Variants in REST observed in about 807,000 individuals in gnomAD.
REST encodes the protein RE1 silencing transcription factor, also known as RE1-silencing transcription factor.
Under a neutral mutation model 30.4 loss-of-function variants are expected in REST, and 1 was observed. That is an observed-to-expected ratio of 0.03 (90% CI 0.01 to 0.16). REST has a LOEUF of 0.16. Ranked by LOEUF, REST falls within the 10% of genes least tolerant of loss-of-function variation. The pLI is 1.00. For missense variants in REST, 1,259 were observed against 1,329.5 expected (o/e 0.95, Z 0.82); for synonymous variants, 504 against 451.1 (o/e 1.12, Z -1.49).
intron 1 of REST, among the ~76,000 whole-genome samples, chr4:56,910,008 T>G (rs552019789): frequency 2.6e-5 from 4 of 152,364 alleles, no homozygotes; most frequent in African/African-American, 9.6e-5. Context: ...CCATAAATGT[T>G]TTTTCTTTTA....
intron 2 of REST, among the ~76,000 whole-genome samples, chr4:56,915,450 A>G (rs559100854): frequency 6.6e-6 from 1 of 151,580 alleles, no homozygotes; most frequent in Non-Finnish European, 1.5e-5. Flanking sequence ...GCGTTTCACC[A>G]TGTTGGCCAG....
At chr4:56,925,394 T>G (rs1479350442) in intron 3 of REST, among the ~76,000 whole-genome samples, 2 of 152,258 alleles carry the variant, frequency 1.3e-5, no homozygotes, top group East Asian at 3.9e-4. Flanking sequence ...AAAATTTTTT[T>G]GTACACAGGG....
intron 1 of REST, among the ~76,000 whole-genome samples, chr4:56,910,242 T>G (rs766501850): frequency 1.3e-5 from 2 of 152,224 alleles, no homozygotes; most frequent in Non-Finnish European, 2.9e-5. Flanking sequence ...GGGGAAAAGT[T>G]GGGAGGACAA....
In REST at chr4:56,931,708, C is replaced by T; in HGVS notation, c.2850C>T (p.Asp950=). 3 of 1,614,176 alleles carry T rather than the reference C, an allele frequency of 1.9e-6. No homozygotes were observed. The highest frequency in any genetic ancestry group is 2.5e-6 in the Non-Finnish European group (3 of 1,180,040). The change falls in exon 4 of 4, where the codon GAC becomes GAT. Residue 950 remains aspartate, a synonymous_variant. Transcript: ENST00000309042. The stretch of plus-strand genomic sequence containing the variant: ...GTATAGTTTGTGAAATGAAAATGGA[C>T]ACTGATCAGAACACAAGAGAGAATC... The part of the protein sequence containing the change: ...TDSIVCEMKM[D]TDQNTRENLT...
At chr4:56,925,184 AT>A (rs1191191284) in intron 3 of REST, among the ~76,000 whole-genome samples, 2 of 149,518 alleles carry the variant, frequency 1.3e-5, no homozygotes, top group African/African-American at 2.5e-5. Context: ...AAAAAAAAAA[AT>A]TTCTTTGCCA....
intron 2 of REST, among the ~76,000 whole-genome samples, chr4:56,915,406 C>T (rs573787750): frequency 1.3e-5 from 2 of 151,498 alleles, no homozygotes; most frequent in Admixed American, 6.6e-5. Flanking sequence ...CCACCACGCC[C>T]AGCTAATTTT....
At chr4:56,911,597 T>TAACC in intron 2 of REST, 61 bp downstream of exon 2, 1 of 1,334,466 alleles carries the variant, frequency 7.5e-7, no homozygotes, top group Non-Finnish European at 1.0e-6. Flanking sequence ...CTTGAGTGGT[T>TAACC]AGTTAAGTAG....
rs541994823 is a variant in REST at position 56,930,564 on chromosome 4, A to T, written c.1706A>T (p.Lys569Ile). The change falls in exon 4 of 4, where the codon AAA (lysine) becomes ATA (isoleucine). Residue 569 changes from lysine (K) to isoleucine (I), a missense_variant. Physicochemically the swap from Lys to Ile is moderately radical, Grantham distance 102. Transcript: ENST00000309042. Reference protein sequence around the residue: ...PKGDSKVEENKKQNTCMKKST... With the variant: ...PKGDSKVEENIKQNTCMKKST... ...GGTGACAGCAAAGTGGAGGAGAATA[A>T]AAAGCAAAATACTTGCATGAAAAAA... The T allele has an allele frequency of 1.6e-4, 256 of 1,612,086 alleles. 4 individuals are homozygous for T. In the South Asian group the frequency reaches 2.6e-3, roughly 16 times the overall value.
Position 56,930,922 on chromosome 4 carries a change from T to C in REST, c.2064T>C (p.Pro688=), listed in dbSNP as rs922596945. Reference sequence around the variant, plus strand: ...TTGTACTTGCTCACATGGAGCTGCCTCCTCCCATGGAGACTGCTCAGACGG... The same window carrying C: ...TTGTACTTGCTCACATGGAGCTGCCCCCTCCCATGGAGACTGCTCAGACGG... ...AQIVLAHMEL[P]PPMETAQTEV... The change falls in exon 4 of 4, where the codon CCT becomes CCC. Residue 688 remains proline (P), a synonymous_variant. Transcript: ENST00000309042. The C allele has an allele frequency of 6.2e-7, 1 of 1,613,702 alleles. No homozygotes were observed. The highest frequency in any genetic ancestry group is 8.5e-7 in the Non-Finnish European group (1 of 1,179,702).
intron 3 of REST, among the ~76,000 whole-genome samples, chr4:56,925,329 C>T (rs1255096280): frequency 6.6e-6 from 1 of 152,122 alleles, no homozygotes; most frequent in Non-Finnish European, 1.5e-5. Flanking sequence ...CCTCCCACCT[C>T]AGCCTCTGGA....
At chr4:56,924,628 T>TTC (rs1553903497) in intron 3 of REST, among the ~76,000 whole-genome samples, 3 of 151,848 alleles carry the variant, frequency 2.0e-5, no homozygotes, top group African/African-American at 7.3e-5. Flanking sequence ...TGTTTTTTTT[T>TTC]TTTCTTTCTT....
chr4:56,916,672 G>A (rs1183767373), intron 2 of REST, among the ~76,000 whole-genome samples: 2 of 152,134 alleles, frequency 1.3e-5, no homozygotes, highest in Non-Finnish European at 2.9e-5. Flanking sequence ...GAATTTAAAA[G>A]TAAATTATCT....
In REST at chr4:56,931,290, C is replaced by G. The variant is rs1211990605; in HGVS notation, c.2432C>G (p.Ser811Cys). Residue 811 changes from serine to cysteine, a missense_variant, in exon 4 of 4, where the codon TCC becomes TGC. Physicochemically the swap from Ser to Cys is moderately radical, Grantham distance 112 (BLOSUM62 -1). This residue lies in a region of REST where 856 missense variants were observed against 772.8 expected (regional missense o/e 1.11). Coordinates refer to ENST00000309042, the MANE Select transcript of REST (RefSeq NM_005612.5). The part of the protein sequence containing the change: ...REPPLHMEPI[S>C]KKPPLRKDKK... Reference sequence around the variant, plus strand: ...CCTCCCCTTCACATGGAGCCAATTTCCAAAAAGCCTCCTCTCCGAAAAGAT... The same window carrying G: ...CCTCCCCTTCACATGGAGCCAATTTGCAAAAAGCCTCCTCTCCGAAAAGAT... 3 of 1,614,092 alleles carry G rather than the reference C, an allele frequency of 1.9e-6. No homozygotes were observed. Among genetic ancestry groups the G allele is most frequent in the African/African-American group, 2.7e-5 (2 of 74,928 alleles).
At chr4:56,922,372 G>A (rs1216513191) in intron 3 of REST, 1 of 148,718 alleles carries the variant, frequency 6.7e-6, no homozygotes, top group Non-Finnish European at 1.5e-5. Flanking sequence ...GGAATAAAAT[G>A]GTGTGATCGC....
intron 2 of REST, among the ~76,000 whole-genome samples, chr4:56,918,581 C>T (rs1007149895): frequency 3.9e-5 from 6 of 152,116 alleles, no homozygotes; most frequent in Non-Finnish European, 2.9e-5. Flanking sequence ...TTTTTAGAGA[C>T]AGGCTCTCTC....
chr4:56,924,368 C>G (rs1389597891), intron 3 of REST, among the ~76,000 whole-genome samples: 1 of 152,168 alleles, frequency 6.6e-6, no homozygotes, highest in Non-Finnish European at 1.5e-5. Context: ...GATTATCACT[C>G]AAGAACAAGA....
At chr4:56,926,646 G>A (rs1478556724) in intron 3 of REST, among the ~76,000 whole-genome samples, 1 of 151,948 alleles carries the variant, frequency 6.6e-6, no homozygotes, top group Non-Finnish European at 1.5e-5. Context: ...GCCCTGCTGA[G>A]TCTTCCCTTT....
chr4:56,927,077 CAA>C (rs1229324005), intron 3 of REST, among the ~76,000 whole-genome samples: 1 of 148,006 alleles, frequency 6.8e-6, no homozygotes, highest in Non-Finnish European at 1.5e-5. Flanking sequence ...GACTGGGCAA[CAA>C]GAGTGAAACT....
chr4:56,930,686 C>A lies in REST; in HGVS notation c.1828C>A (p.Pro610Thr). Residue 610 changes from proline (P) to threonine (T), a missense_variant, in exon 4 of 4, where the codon CCT becomes ACT. This residue lies in a region of REST where 856 missense variants were observed against 772.8 expected (regional missense o/e 1.11). Coordinates refer to ENST00000309042, the MANE Select transcript of REST (RefSeq NM_005612.5). ...PVEKGSAQMD[P>T]PQMGPAPTEA... is the part of the protein sequence containing the mutation. Reference sequence around the variant, plus strand: ...TGAGAAGGGATCTGCTCAGATGGACCCTCCTCAGATGGGGCCTGCTCCCAC... The same window carrying A: ...TGAGAAGGGATCTGCTCAGATGGACACTCCTCAGATGGGGCCTGCTCCCAC... The A allele has an allele frequency of 6.2e-7, 1 of 1,612,484 alleles. No individual in the cohort carries two copies. Among genetic ancestry groups the A allele is most frequent in the Non-Finnish European group, 8.5e-7 (1 of 1,179,602 alleles).
Sources: gnomAD v4.1 joint callset for allele counts (sites outside exome capture counted in the v4.1 genomes callset) on GRCh38, gnomAD v4.1.1 for gene constraint, gnomAD v4.1.1 regional missense constraint, MANE v1.5 for transcripts, NCBI Gene and HGNC (gene_info 2026-07-23, HGNC 2026-07-21) for gene names.